EIF3B: variants seen among roughly 807,000 people sequenced by gnomAD.
EIF3B encodes eukaryotic translation initiation factor 3 subunit 9.
Under a neutral mutation model 104.6 loss-of-function variants are expected in EIF3B, and 10 were observed. The ratio of observed to expected loss-of-function variants is 0.10; its 90% CI spans 0.06 to 0.16. The LOEUF (loss-of-function observed/expected upper bound fraction) is 0.16. EIF3B is among the 10% of genes least tolerant of loss of function. The pLI, the probability that EIF3B is intolerant of heterozygous loss-of-function variation, is 1.00. For missense variants in EIF3B, 1,014 were observed against 1,087.9 expected (o/e 0.93, Z 0.96); for synonymous variants, 542 against 417.2 (o/e 1.30, Z -3.65).
chr7:2,366,775 C>T lies in EIF3B; in HGVS notation c.1356+184C>T, dbSNP rs1780049780. 4 of 806,188 alleles carry T rather than the reference C, an allele frequency of 5.0e-6. No individual in the cohort carries two copies. In the South Asian group the frequency reaches 7.0e-5, roughly 14 times the overall value. The allele number at this position is 806,188 out of a possible 1,614,324, so 49.9% of individuals were successfully genotyped here. A position where few individuals can be genotyped will look rare whatever the true frequency, so the allele number is the denominator to read the frequency against. On this transcript the variant is annotated intron_variant, in intron 8 of 18. Coordinates refer to ENST00000360876, the MANE Select transcript of EIF3B (RefSeq NM_001037283.2). ...AGAGCTCTTCAGTCACTCCTGCCCA[C>T]CTGGCGCAGCCGTGGGAAGTCCTGG...
chr7:2,363,035 G>A (rs1779823814), intron 3 of EIF3B, 35 bp from the exon 4 acceptor site: 1 of 1,611,964 alleles, frequency 6.2e-7, no homozygotes, highest in Admixed American at 1.7e-5. Context: ...CTAGTCGTCA[G>A]GGCGTGGGGC....
At chr7:2,360,373 C>A (rs1423943607) in intron 1 of EIF3B, among the ~76,000 whole-genome samples, 1 of 152,224 alleles carries the variant, frequency 6.6e-6, no homozygotes, top group Non-Finnish European at 1.5e-5. Flanking sequence ...TCTGGAAGAT[C>A]TAATAGTGGA....
At chr7:2,372,924 G>C in intron 12 of EIF3B, 129 bp downstream of exon 12, 3 of 1,069,382 alleles carry the variant, frequency 2.8e-6, no homozygotes, top group Non-Finnish European at 3.8e-6. Context: ...CTATGAATGG[G>C]GTGTGGCCTC....
At chr7:2,357,443 G>C (rs79131387) in intron 1 of EIF3B, among the ~76,000 whole-genome samples, 2,528 of 152,306 alleles carry the variant, frequency 0.017, 71 homozygotes, top group African/African-American at 0.057. Context: ...AAGACCGTAG[G>C]TGACTGTATC....
At chr7:2,362,545 C>G (rs1210017375) in intron 2 of EIF3B, 100 bp from the exon 3 acceptor site, 2 of 1,470,674 alleles carry the variant, frequency 1.4e-6, no homozygotes, top group African/African-American at 2.8e-5. Flanking sequence ...ACAGATACTC[C>G]TGGCACCGAG....
intron 5 of EIF3B, 75 bp from the exon 6 acceptor site, chr7:2,364,297 G>T: frequency 7.4e-7 from 1 of 1,345,528 alleles, no homozygotes. Flanking sequence ...TTCATTGTAG[G>T]ATAAATTCAT....
intron 6 of EIF3B, among the ~76,000 whole-genome samples, chr7:2,365,101 C>T (rs561748077): frequency 7.2e-5 from 11 of 152,338 alleles, no homozygotes; most frequent in South Asian, 4.1e-4. Context: ...CGCAGGCACA[C>T]GCCATGACAT....
chr7:2,365,680 G>GTTT (rs368207304), intron 6 of EIF3B, among the ~76,000 whole-genome samples: 1 of 98,132 alleles, frequency 1.0e-5, no homozygotes, highest in African/African-American at 6.0e-5. Flanking sequence ...TGTTTGTTTT[G>GTTT]TTTTTTTTTT....
At chr7:2,366,282 G>A in intron 6 of EIF3B, 35 bp from the exon 7 acceptor site, 1 of 1,549,524 alleles carries the variant, frequency 6.5e-7, no homozygotes, top group Non-Finnish European at 8.7e-7. Context: ...TCTCGTGAGA[G>A]GAGGATAGTG....
At chr7:2,369,882 TTC>T (rs957311338) in intron 10 of EIF3B, among the ~76,000 whole-genome samples, 200 bp downstream of exon 10, 7 of 149,798 alleles carry the variant, frequency 4.7e-5, no homozygotes, top group African/African-American at 1.7e-4. Flanking sequence ...TTTCAAATGA[TTC>T]TTCTGCCTCA....
intron 13 of EIF3B, 106 bp downstream of exon 13, chr7:2,374,712 C>T (rs773731767): frequency 5.8e-5 from 62 of 1,074,618 alleles, no homozygotes; most frequent in Non-Finnish European, 7.3e-5. Context: ...GAGTATTGTG[C>T]GCTGAAAGGG....
intron 2 of EIF3B, 98 bp from the exon 3 acceptor site, chr7:2,362,547 G>A (rs1246123315): frequency 6.8e-7 from 1 of 1,475,974 alleles, no homozygotes; most frequent in South Asian, 1.2e-5. Context: ...AGATACTCCT[G>A]GCACCGAGGG....
chr7:2,372,009 C>T lies in EIF3B; in HGVS notation c.1687+160C>T, dbSNP rs6958478. On this transcript the variant is annotated intron_variant, in intron 11 of 18. Transcript: ENST00000360876. ...CCAGGTCACAGAACGTGTTTAGAGCCTGGGCAACATAGTGAGACCCTCTCT... is the reference window on the plus strand; with the variant it reads ...CCAGGTCACAGAACGTGTTTAGAGCTTGGGCAACATAGTGAGACCCTCTCT... 150,116 of 632,870 alleles carry T rather than the reference C, an allele frequency of 0.24. 20,805 individuals carry two copies. Among genetic ancestry groups the T allele is most frequent in the African/African-American group, 0.52 (28,526 of 54,418 alleles). The allele number at this position is 632,870 out of a possible 1,614,324, so 39.2% of individuals were successfully genotyped here.
Position 2,376,961 on chromosome 7 carries a change from G to A in EIF3B, c.2040G>A (p.Ala680=), listed in dbSNP as rs746548159. ...CTGCCCTGGCCTAGGTGGACAACGCGTACTGGCTGTGGACTTTCCAGGGAC... is the reference window on the plus strand; with the variant it reads ...CTGCCCTGGCCTAGGTGGACAACGCATACTGGCTGTGGACTTTCCAGGGAC... The part of the protein sequence containing the change: ...VSWWSHKVDN[A]YWLWTFQGRL... Residue 680 remains alanine, a synonymous_variant, in exon 15 of 19, where the codon GCG becomes GCA. Coordinates refer to ENST00000360876, the MANE Select transcript of EIF3B (RefSeq NM_001037283.2). The A allele has an allele frequency of 2.4e-5, 39 of 1,613,694 alleles. No homozygotes were observed. Among genetic ancestry groups the A allele is most frequent in the African/African-American group, 2.3e-4 (17 of 74,906 alleles).
intron 10 of EIF3B, among the ~76,000 whole-genome samples, chr7:2,370,515 T>G (rs763500230): frequency 6.6e-6 from 1 of 152,146 alleles, no homozygotes; most frequent in Admixed American, 6.5e-5. Flanking sequence ...TTCCCTCTAA[T>G]AGAAGTATTC....
At chr7:2,380,014 C>G (rs1428277560) in intron 18 of EIF3B, 190 bp from the exon 19 acceptor site, 1 of 262,942 alleles carries the variant, frequency 3.8e-6, no homozygotes, top group Non-Finnish European at 7.6e-6. Context: ...AATGGGGTGC[C>G]TGAGGGTGGC....
rs1269712171 is a variant in EIF3B at position 2,363,095 on chromosome 7, G to T, written c.838G>T (p.Asp280Tyr). ...GTATATGACGATCAGTGACGAGTGG[G>T]ATATTCCAGAGAAACAGCCTTTCAA... ...DKYMTISDEWDIPEKQPFKDL... is the reference protein window; with the variant it reads ...DKYMTISDEWYIPEKQPFKDL... Residue 280 changes from aspartate (D) to tyrosine (Y), a missense_variant, in exon 4 of 19, where the codon GAT (aspartate) becomes TAT (tyrosine). This residue lies in a region of EIF3B where 488 missense variants were observed against 404.3 expected (regional missense o/e 1.21). Transcript: ENST00000360876. 1 of 1,614,088 alleles carries T rather than the reference G, an allele frequency of 6.2e-7. No homozygotes were observed. The highest frequency in any genetic ancestry group is 2.2e-5 in the East Asian group (1 of 44,878).
intron 15 of EIF3B, among the ~76,000 whole-genome samples, chr7:2,377,565 G>GTGTT (rs1562492641): frequency 2.2e-5 from 1 of 45,758 alleles, no homozygotes; most frequent in African/African-American, 1.1e-4. Context: ...CTCCTGGGAT[G>GTGTT]CTGTGTTCTG....
chr7:2,357,587 C>G (rs1460344138), intron 1 of EIF3B, among the ~76,000 whole-genome samples: 1 of 152,218 alleles, frequency 6.6e-6, no homozygotes, highest in East Asian at 1.9e-4. Flanking sequence ...AATGTTTCAG[C>G]TGATCCAGGA....
Sources: allele counts gnomAD v4.1 joint callset (sites outside exome capture counted in the v4.1 genomes callset), GRCh38; gene constraint gnomAD v4.1.1; regional missense constraint gnomAD v4.1.1; transcripts MANE v1.5; gene names NCBI Gene and HGNC (gene_info 2026-07-23, HGNC 2026-07-21).